The following ANKRD31 variants were observed in gnomAD, a reference collection of about 807,000 sequenced individuals.
The protein encoded by ANKRD31 is ankyrin repeat domain-containing protein 31.
ANKRD31 carries 147 observed loss-of-function variants against 186.0 expected under a neutral mutation model. That is an observed-to-expected ratio of 0.79 (90% confidence interval 0.69 to 0.91). The LOEUF (loss-of-function observed/expected upper bound fraction) is 0.91. ANKRD31 is among the 40% of genes least tolerant of loss of function. The pLI, the probability that ANKRD31 is intolerant of heterozygous loss-of-function variation, is 0.00. For missense variants in ANKRD31, 1,986 were observed against 2,148.8 expected, an observed-to-expected ratio of 0.92 and a Z score of 1.50; for synonymous variants, 673 against 736.4, an observed-to-expected ratio of 0.91 and a Z score of 1.39.
intron 15 of ANKRD31, among the ~76,000 whole-genome samples, chr5:75,140,357 G>C (rs982489323): frequency 6.6e-6 from 1 of 151,976 alleles, no homozygotes; most frequent in Admixed American, 6.6e-5. Flanking sequence ...AACTGCATTA[G>C]AGAAGCTTCA....
intron 1 of ANKRD31, 63 bp downstream of exon 1, chr5:75,236,520 T>A: frequency 7.0e-7 from 1 of 1,418,784 alleles, no homozygotes. Flanking sequence ...TCTGACCCCC[T>A]CAGAGGGCAC....
chr5:75,068,868 C>T (rs985955639), intron 25 of ANKRD31, among the ~76,000 whole-genome samples: 6 of 152,036 alleles, frequency 3.9e-5, no homozygotes, highest in African/African-American at 7.3e-5. Flanking sequence ...GAAAGAGGGG[C>T]CTGTTTGAAG....
In ANKRD31 at chr5:75,196,447, C is replaced by T. The variant is rs564733588; in HGVS notation, c.448-247G>A. Among the ~76,000 whole-genome samples, 9 of 152,160 alleles carry T rather than the reference C, an allele frequency of 5.9e-5. No individual in the cohort carries two copies. The East Asian group carries it at 7.7e-4, about 13-fold the overall frequency. ...AGCATAACTGGCTGGACCATAATTA[C>T]GGATGGCAAATTATTCACCTAAGTT... is the stretch of plus-strand genomic sequence containing the variant. On this transcript the variant is annotated intron_variant, in intron 6 of 25. Transcript: ENST00000506364.
At chr5:75,234,489 T>C (rs750397921) in intron 1 of ANKRD31, among the ~76,000 whole-genome samples, 27 of 152,226 alleles carry the variant, frequency 1.8e-4, no homozygotes, top group Non-Finnish European at 3.5e-4. Context: ...GACTGCACTA[T>C]TGCATTCCAG....
At chr5:75,176,209 C>A (rs2150205908) in intron 10 of ANKRD31, among the ~76,000 whole-genome samples, 1 of 152,280 alleles carries the variant, frequency 6.6e-6, no homozygotes, top group South Asian at 2.1e-4. Flanking sequence ...ATTGCTCAGG[C>A]TTGAGTAGGT....
At chr5:75,195,541 TTGCTCCACTGAAAGA>T (rs2150249971) in intron 7 of ANKRD31, 75 bp downstream of exon 7, 1 of 1,110,260 alleles carries the variant, frequency 9.0e-7, no homozygotes, top group African/African-American at 1.6e-5. Context: ...TTTCAGCTAC[TTGCTCCACTGAAAGA>T]TGCTTGTCCT....
intron 17 of ANKRD31, among the ~76,000 whole-genome samples, chr5:75,126,702 T>C (rs1356198382): frequency 1.3e-5 from 2 of 152,124 alleles, no homozygotes; most frequent in East Asian, 3.8e-4. Context: ...ACGAAAGGGA[T>C]AGAAAATCTA....
rs374570695 is a variant in ANKRD31 at position 75,085,638 on chromosome 5, A to G, written c.5473-1264T>C. Among the ~76,000 whole-genome samples the G allele has an allele frequency of 1.9e-4, 29 of 152,098 alleles. No individual in the cohort carries two copies. The East Asian group carries it at 5.6e-3, about 29-fold the overall frequency. ...GGTGGTCTCGAACTCCTGACCTCAAATGATCCACCTGCCTTGGCCTCCCAA... is the reference window on the plus strand; with the variant it reads ...GGTGGTCTCGAACTCCTGACCTCAAGTGATCCACCTGCCTTGGCCTCCCAA... On this transcript the variant is annotated intron_variant, in intron 23 of 25. Coordinates refer to ENST00000506364, the MANE Select transcript of ANKRD31 (RefSeq NM_001372053.1).
intron 5 of ANKRD31, among the ~76,000 whole-genome samples, 169 bp downstream of exon 5, chr5:75,206,242 A>G: frequency 7.7e-5 from 1 of 13,014 alleles, no homozygotes; most frequent in Non-Finnish European, 1.1e-4. Context: ...AAAAAAAAAA[A>G]AAAAAAATAT....
intron 10 of ANKRD31, among the ~76,000 whole-genome samples, chr5:75,175,808 G>A (rs557539632): frequency 3.9e-5 from 6 of 152,210 alleles, no homozygotes; most frequent in African/African-American, 1.2e-4. Context: ...CAGCGTGAGC[G>A]ATGCAGAAGA....
At chr5:75,128,776 A>G (rs2150104945) in intron 17 of ANKRD31, among the ~76,000 whole-genome samples, 1 of 151,930 alleles carries the variant, frequency 6.6e-6, no homozygotes, top group East Asian at 1.9e-4. Context: ...GGCCTCCCAA[A>G]GTACTGGGAT....
Position 75,147,088 on chromosome 5 carries a change from C to A in ANKRD31, c.2323G>T (p.Asp775Tyr). The A allele has an allele frequency of 6.5e-7, 1 of 1,536,362 alleles. No individual in the cohort carries two copies. Among genetic ancestry groups the A allele is most frequent in the Non-Finnish European group, 8.7e-7 (1 of 1,146,358 alleles). The change falls in exon 14 of 26, where the codon GAC (aspartate) becomes TAC (tyrosine). Residue 775 changes from aspartate (D) to tyrosine (Y), a missense_variant. Transcript: ENST00000506364. ...GGTTCACACAATTCTTCTGGAAGGTCATTATGAGTTTCTGGAATATGCTGC... is the reference window on the plus strand; with the variant it reads ...GGTTCACACAATTCTTCTGGAAGGTAATTATGAGTTTCTGGAATATGCTGC... The part of the protein sequence containing the change: ...YQQHIPETHN[D>Y]LPEELCEPSS...
In ANKRD31 at chr5:75,195,690, A is replaced by C. The variant is rs1488176812; in HGVS notation, c.958T>G (p.Cys320Gly). 1 of 1,537,312 alleles carries C rather than the reference A, an allele frequency of 6.5e-7. No individual in the cohort carries two copies. ...GGSSLIARNE[C>G]LEVEFNTSQT... is the part of the protein sequence containing the mutation. ...GACGTATTGAACTCCACTTCTAAAC[A>C]TTCATTTCTGGCAATGAGACTGCTA... is the stretch of plus-strand genomic sequence containing the variant. Residue 320 changes from cysteine to glycine, a missense_variant, in exon 7 of 26, where the codon TGT becomes GGT. Cys to Gly is a radical substitution (Grantham distance 159). Transcript: ENST00000506364.
chr5:75,145,989 G>A lies in ANKRD31; in HGVS notation c.3422C>T (p.Pro1141Leu), dbSNP rs1751402180. Reference protein sequence around the residue: ...QREKKEISHKPDEELTNNISG... With the variant: ...QREKKEISHKLDEELTNNISG... ...AGATTAAGCAATATTACTAATACCT[G>A]GTTTGTGAGAAATTTCCTTCTTTTC... Residue 1141 changes from proline (P) to leucine (L), a missense_variant and splice_region_variant, in exon 14 of 26, where the codon CCA becomes CTA. Physicochemically the swap from Pro to Leu is moderately conservative, Grantham distance 98. Transcript: ENST00000506364. The A allele has an allele frequency of 6.8e-7, 1 of 1,473,012 alleles. No individual in the cohort carries two copies. Among genetic ancestry groups the A allele is most frequent in the Non-Finnish European group, 8.9e-7 (1 of 1,118,242 alleles). The allele number at this position is 1,473,012 out of a possible 1,614,324, so 91.2% of individuals were successfully genotyped here.
At chr5:75,160,624 G>A (rs1471948918) in intron 11 of ANKRD31, among the ~76,000 whole-genome samples, 1 of 152,112 alleles carries the variant, frequency 6.6e-6, no homozygotes. Flanking sequence ...AAAGTCAAAG[G>A]ATGGAAAAAG....
At chr5:75,197,989 A>C (rs970666668) in intron 6 of ANKRD31, among the ~76,000 whole-genome samples, 6 of 152,222 alleles carry the variant, frequency 3.9e-5, no homozygotes, top group Non-Finnish European at 2.9e-5. Context: ...CCAAGAAGAC[A>C]GAAAAATGAC....
intron 11 of ANKRD31, among the ~76,000 whole-genome samples, chr5:75,162,956 C>T (rs942282970): frequency 1.3e-5 from 2 of 152,104 alleles, no homozygotes; most frequent in Non-Finnish European, 2.9e-5. Context: ...TCTCCACCTA[C>T]CTGTATGTCT....
In ANKRD31 at chr5:75,196,140, C is replaced by T; in HGVS notation, c.508G>A (p.Val170Ile). 1.3e-6 allele frequency: 2 copies of T among 1,525,882 alleles called. No individual in the cohort carries two copies. The highest frequency in any genetic ancestry group is 1.7e-6 in the Non-Finnish European group (2 of 1,143,404). 94.5% of individuals were successfully genotyped at this position (1,525,882 alleles called of 1,614,324 possible). ...VSLLSGTAIT[V>I]SDTVAVKETS... ...TCCTTTACAGCAACTGTATCAGATA[C>T]TGTAATAGCAGTGCCTGAGAGAAGG... The change falls in exon 7 of 26, where the codon GTA (valine) becomes ATA (isoleucine). Residue 170 changes from valine to isoleucine, a missense_variant. Transcript: ENST00000506364.
intron 1 of ANKRD31, 75 bp downstream of exon 1, chr5:75,236,508 A>C (rs1047572389): frequency 5.6e-6 from 7 of 1,256,702 alleles, no homozygotes; most frequent in Non-Finnish European, 7.7e-6. Context: ...TCCACTCAAA[A>C]CTCTGACCCC....
Sources: allele counts gnomAD v4.1 joint callset (sites outside exome capture counted in the v4.1 genomes callset), GRCh38; gene constraint gnomAD v4.1.1; transcripts MANE v1.5; gene names NCBI Gene and HGNC (gene_info 2026-07-23, HGNC 2026-07-21).